The following RNFT2 variants were observed in gnomAD, a reference collection of about 807,000 sequenced individuals.
RNFT2 encodes the protein ring finger protein, transmembrane 2.
A neutral mutation model predicts 53.0 loss-of-function variants in RNFT2; 36 were observed. That is an observed-to-expected ratio of 0.68 (90% CI 0.52 to 0.90). The LOEUF (loss-of-function observed/expected upper bound fraction) is 0.90, where lower values mean the gene tolerates loss of function less well. Among genes scored for constraint, RNFT2 ranks in the 40% least tolerant of loss-of-function variants. The pLI is 0.00. For missense variants in RNFT2, 514 were observed against 585.6 expected, an observed-to-expected ratio of 0.88 and a Z score of 1.26; for synonymous variants, 260 against 253.2, an observed-to-expected ratio of 1.03 and a Z score of -0.26.
intron 10 of RNFT2, among the ~76,000 whole-genome samples, chr12:116,843,125 AT>A (rs1486763459): frequency 3.3e-5 from 5 of 152,054 alleles, no homozygotes; most frequent in Non-Finnish European, 7.4e-5. Context: ...CCTGGATAGA[AT>A]TTGGGGTGAG....
intron 4 of RNFT2, among the ~76,000 whole-genome samples, chr12:116,752,239 T>C (rs1872286102): frequency 6.6e-6 from 1 of 151,944 alleles, no homozygotes. Flanking sequence ...GACCATTCTT[T>C]ATTTCTTATT....
chr12:116,841,965 AGAGAG>A lies in RNFT2; in HGVS notation c.1200+5684_1200+5688del, dbSNP rs1565876301. 1.3e-4 allele frequency among the ~76,000 whole-genome samples: 15 copies of A among 117,468 alleles called. 4 individuals are homozygous for A. Among genetic ancestry groups the A allele is most frequent in the South Asian group, 2.6e-4 (1 of 3,774 alleles). The allele number at this position is 117,468 out of a possible 152,430, so 77.1% of individuals were successfully genotyped here. On this transcript the variant is annotated intron_variant, in intron 10 of 10. Coordinates refer to ENST00000257575, the MANE Select transcript of RNFT2 (RefSeq NM_001382266.1). ...TATATATAAATATATATATAGAGAG[AGAGAG>A]AGAGAGAGAGAGAGAGGGAGGATCC...
At chr12:116,746,023 G>C (rs1363294200) in intron 3 of RNFT2, among the ~76,000 whole-genome samples, 2 of 152,122 alleles carry the variant, frequency 1.3e-5, no homozygotes, top group African/African-American at 4.8e-5. Flanking sequence ...GATCACTTGA[G>C]CTCCGGAGTT....
At chr12:116,836,926 T>C (rs957495529) in intron 10 of RNFT2, among the ~76,000 whole-genome samples, 11 of 151,100 alleles carry the variant, frequency 7.3e-5, no homozygotes, top group Admixed American at 2.0e-4. Context: ...CAAGACTACA[T>C]CTCAAAGAAA....
In RNFT2 at chr12:116,810,603, A is replaced by G. The variant is rs577160511; in HGVS notation, c.883-23189A>G. Among the ~76,000 whole-genome samples, 13 of 152,276 alleles carry G rather than the reference A, an allele frequency of 8.5e-5. No homozygotes were observed. The East Asian group carries it at 2.3e-3, about 27-fold the overall frequency. On this transcript the variant is annotated intron_variant, in intron 7 of 10. Coordinates refer to ENST00000257575, the MANE Select transcript of RNFT2 (RefSeq NM_001382266.1). ...GAGACCCACCCTGACCCACCTTTCC[A>G]AACTACATCATGGGTATGTGGTGGC... is the stretch of plus-strand genomic sequence containing the variant.
At chr12:116,843,515 AC>A (rs71099004) in intron 10 of RNFT2, among the ~76,000 whole-genome samples, 68 of 141,258 alleles carry the variant, frequency 4.8e-4, no homozygotes, top group South Asian at 1.8e-3. Context: ...AAAAAAAAAA[AC>A]CCCAAGAAAC....
intron 2 of RNFT2, 107 bp from the exon 3 acceptor site, chr12:116,740,929 G>C: frequency 1.1e-6 from 1 of 888,640 alleles, no homozygotes; most frequent in South Asian, 1.4e-5. Flanking sequence ...GAGCACTAGG[G>C]GTCTAAGATA....
intron 7 of RNFT2, among the ~76,000 whole-genome samples, chr12:116,783,034 A>G (rs1009930045): frequency 6.6e-6 from 1 of 152,124 alleles, no homozygotes; most frequent in African/African-American, 2.4e-5. Context: ...GGCTCATCAT[A>G]AGTGCTCAAT....
intron 7 of RNFT2, among the ~76,000 whole-genome samples, chr12:116,798,845 T>G (rs1874632211): frequency 6.6e-6 from 1 of 152,130 alleles, no homozygotes; most frequent in Non-Finnish European, 1.5e-5. Context: ...AAGTGCTGAT[T>G]ACAGACATGA....
At chr12:116,829,376 C>T (rs117734151) in intron 7 of RNFT2, among the ~76,000 whole-genome samples, 2,891 of 152,210 alleles carry the variant, frequency 0.019, 50 homozygotes, top group Middle Eastern at 0.034. Flanking sequence ...GGGAAACCAG[C>T]ATTTCCCTCC....
rs1402210733 is a variant in RNFT2 at position 116,851,744 on chromosome 12, A to G, written c.*2296A>G. On this transcript the variant is annotated 3_prime_UTR_variant, in exon 11 of 11. Coordinates refer to ENST00000257575, the MANE Select transcript of RNFT2 (RefSeq NM_001382266.1). Reference sequence around the variant, plus strand: ...TGACAGAGTGAGTGAGACTCTGTCTAAAAAAAAAAAGAAAGAAAGAAGGGA... The same window carrying G: ...TGACAGAGTGAGTGAGACTCTGTCTGAAAAAAAAAAGAAAGAAAGAAGGGA... 3.3e-5 allele frequency: 11 copies of G among 330,246 alleles called. No individual in the cohort carries two copies. The East Asian group carries it at 5.1e-4, about 15-fold the overall frequency. 20.5% of individuals were successfully genotyped at this position (330,246 alleles called of 1,614,324 possible).
At chr12:116,832,148 A>AAATATATATATAT (rs1555209702) in intron 7 of RNFT2, among the ~76,000 whole-genome samples, 9 of 55,168 alleles carry the variant, frequency 1.6e-4, no homozygotes, top group African/African-American at 6.3e-4. Context: ...AAAAAAAAAA[A>AAATATATATATAT]ATATATATAT....
chr12:116,746,415 G>A (rs530826850), intron 3 of RNFT2, among the ~76,000 whole-genome samples: 1 of 152,252 alleles, frequency 6.6e-6, no homozygotes, highest in South Asian at 2.1e-4. Flanking sequence ...AGGGAAAGAT[G>A]AGGAATAAAA....
In RNFT2 at chr12:116,845,243, CAAAAA is replaced by C. The variant is rs66920809; in HGVS notation, c.1201-4059_1201-4055del. Among the ~76,000 whole-genome samples the C allele has an allele frequency of 7.4e-3, 615 of 82,742 alleles. 3 individuals are homozygous for C. The highest frequency in any genetic ancestry group is 0.025 in the African/African-American group (440 of 17,700). The allele number at this position is 82,742 out of a possible 152,430, so 54.3% of individuals were successfully genotyped here. A position where few individuals can be genotyped will look rare whatever the true frequency, so the allele number is the denominator to read the frequency against. ...TGGATGACAGAGCAAGACCCGGTTT[CAAAAA>C]AAAAAAAAAAATATATATATATATA... On this transcript the variant is annotated intron_variant, in intron 10 of 10. Coordinates refer to ENST00000257575, the MANE Select transcript of RNFT2 (RefSeq NM_001382266.1).
chr12:116,832,051 A>T (rs956903196), intron 7 of RNFT2, among the ~76,000 whole-genome samples: 1 of 149,556 alleles, frequency 6.7e-6, no homozygotes, highest in African/African-American at 2.5e-5. Flanking sequence ...GGATTGCTTG[A>T]ACCTGGGAAG....
At chr12:116,818,430 C>T (rs1414015303) in intron 7 of RNFT2, among the ~76,000 whole-genome samples, 2 of 152,158 alleles carry the variant, frequency 1.3e-5, no homozygotes, top group African/African-American at 4.8e-5. Flanking sequence ...TCAGCACTGC[C>T]GTTCAGTAAA....
Position 116,851,956 on chromosome 12 carries a change from A to G in RNFT2, c.*2508A>G. On this transcript the variant is annotated 3_prime_UTR_variant, in exon 11 of 11. Coordinates refer to ENST00000257575, the MANE Select transcript of RNFT2 (RefSeq NM_001382266.1). ...ATCCCCTCTGGTAGCCTTCAGAGCAAACAGGACAACCTATGTTATGGATGT... is the reference window on the plus strand; with the variant it reads ...ATCCCCTCTGGTAGCCTTCAGAGCAGACAGGACAACCTATGTTATGGATGT... The G allele has an allele frequency of 6.6e-7, 1 of 1,522,436 alleles. No individual in the cohort carries two copies. Among genetic ancestry groups the G allele is most frequent in the Non-Finnish European group, 8.8e-7 (1 of 1,141,560 alleles). 94.3% of individuals were successfully genotyped at this position (1,522,436 alleles called of 1,614,324 possible).
chr12:116,809,329 T>C (rs1437011659), intron 7 of RNFT2, among the ~76,000 whole-genome samples: 1 of 152,188 alleles, frequency 6.6e-6, no homozygotes, highest in Non-Finnish European at 1.5e-5. Context: ...TGAGAAGTGC[T>C]GATGAGAGGA....
chr12:116,806,367 C>A (rs1275502407), intron 7 of RNFT2, among the ~76,000 whole-genome samples: 36 of 113,946 alleles, frequency 3.2e-4, no homozygotes, highest in African/African-American at 8.9e-4. Context: ...GAGACTGTCT[C>A]AAAAAAAAAA....
Sources: allele counts gnomAD v4.1 joint callset (sites outside exome capture counted in the v4.1 genomes callset), GRCh38; gene constraint gnomAD v4.1.1; transcripts MANE v1.5; gene names NCBI Gene and HGNC (gene_info 2026-07-23, HGNC 2026-07-21).